The following CSNK2A1 variants were observed in gnomAD, a reference collection of about 807,000 sequenced individuals.
The protein encoded by CSNK2A1 is casein kinase II subunit alpha.
In CSNK2A1, 10 loss-of-function variants were observed where a neutral mutation model predicts 62.9. The observed-to-expected ratio is 0.16, with a 90% CI of 0.10 to 0.27. The LOEUF is 0.27. Ranked by LOEUF, CSNK2A1 falls within the 10% of genes least tolerant of loss-of-function variation. The pLI, the probability that CSNK2A1 is intolerant of heterozygous loss-of-function variation, is 1.00. For missense variants in CSNK2A1, 160 were observed against 492.0 expected, an observed-to-expected ratio of 0.33 and a Z score of 6.38; for synonymous variants, 124 against 167.8, an observed-to-expected ratio of 0.74 and a Z score of 2.02.
Position 479,774 on chromosome 20 carries a change from T to TA in CSNK2A1, c.*4186_*4187insT. ...TTTTACTTGGAGAATAGTCTGAATT[T>TA]CGTATTACACGTTGAGCATTTCTAA... On this transcript the variant is annotated 3_prime_UTR_variant, in exon 14 of 14. Coordinates refer to ENST00000217244, the MANE Select transcript of CSNK2A1 (RefSeq NM_177559.3). 1.3e-5 allele frequency: 2 copies of TA among 152,224 alleles called. No homozygotes were observed. The highest frequency in any genetic ancestry group is 2.9e-5 in the Non-Finnish European group (2 of 68,032). 9.4% of individuals were successfully genotyped at this position (152,224 alleles called of 1,614,324 possible).
chr20:523,959 C>T (rs950296335), intron 2 of CSNK2A1, among the ~76,000 whole-genome samples: 1 of 150,414 alleles, frequency 6.6e-6, no homozygotes, highest in Non-Finnish European at 1.5e-5. Context: ...GGGTAACATG[C>T]AGAAGGTGAT....
At position 476,916 on chromosome 20, in the gene CSNK2A1, G is replaced by T. The variant is rs753628265; in HGVS notation, c.*7045C>A. ...TAATAACAACTTCTTTTACAGACAG[G>T]GTCTCACTCTGTTGCTCAGTCTGGG... On this transcript the variant is annotated 3_prime_UTR_variant, in exon 14 of 14. Coordinates refer to ENST00000217244, the MANE Select transcript of CSNK2A1 (RefSeq NM_177559.3). 2 of 151,964 alleles carry T rather than the reference G, an allele frequency of 1.3e-5. No individual in the cohort carries two copies. Among genetic ancestry groups the T allele is most frequent in the Non-Finnish European group, 2.9e-5 (2 of 68,058 alleles). The allele number at this position is 151,964 out of a possible 1,614,324, so 9.4% of individuals were successfully genotyped here. A position where few individuals can be genotyped will look rare whatever the true frequency, so the allele number is the denominator to read the frequency against.
intron 10 of CSNK2A1, 50 bp from the exon 11 acceptor site, chr20:488,828 C>G: frequency 6.7e-7 from 1 of 1,493,506 alleles, no homozygotes; most frequent in Non-Finnish European, 9.2e-7. Flanking sequence ...ATTATATTAA[C>G]AAATCAACAA....
At chr20:485,901 G>A (rs976252791) in intron 13 of CSNK2A1, among the ~76,000 whole-genome samples, 3 of 152,098 alleles carry the variant, frequency 2.0e-5, no homozygotes, top group Admixed American at 6.5e-5. Context: ...TTCACTGTGC[G>A]TCACAATGAT....
intron 1 of CSNK2A1, among the ~76,000 whole-genome samples, chr20:530,537 T>TA (rs1260446602): frequency 4.0e-5 from 6 of 150,402 alleles, no homozygotes; most frequent in Non-Finnish European, 8.9e-5. Context: ...GGCATGATCA[T>TA]AGTTCACTTC....
At position 477,374 on chromosome 20, in the gene CSNK2A1, T is replaced by C. The variant is rs1181384758; in HGVS notation, c.*6587A>G. The C allele has an allele frequency of 6.6e-6, 1 of 152,048 alleles. No individual in the cohort carries two copies. Among genetic ancestry groups the C allele is most frequent in the Non-Finnish European group, 1.5e-5 (1 of 68,044 alleles). 9.4% of individuals were successfully genotyped at this position (152,048 alleles called of 1,614,324 possible). A position where few individuals can be genotyped will look rare whatever the true frequency, so the allele number is the denominator to read the frequency against. ...CACCACACTCAGCTAATCTATTTTT[T>C]GTAGAGGTGGGTTTTCGCCATGTTG... is the stretch of plus-strand genomic sequence containing the variant. On this transcript the variant is annotated 3_prime_UTR_variant, in exon 14 of 14. Transcript: ENST00000217244.
At chr20:536,137 G>C (rs1340822058) in intron 1 of CSNK2A1, among the ~76,000 whole-genome samples, 5 of 152,050 alleles carry the variant, frequency 3.3e-5, no homozygotes, top group Non-Finnish European at 5.9e-5. Context: ...TACACTGGGC[G>C]TGACTTACAT....
chr20:515,166 G>GC (rs1316264440), intron 2 of CSNK2A1, among the ~76,000 whole-genome samples: 1 of 152,230 alleles, frequency 6.6e-6, no homozygotes, highest in Non-Finnish European at 1.5e-5. Flanking sequence ...TAAGGTGGTG[G>GC]CATGTGGAGA....
At chr20:525,446 A>T (rs2019060602) in intron 2 of CSNK2A1, among the ~76,000 whole-genome samples, 1 of 151,520 alleles carries the variant, frequency 6.6e-6, no homozygotes, top group Admixed American at 6.6e-5. Context: ...AGGTCAGAAG[A>T]TCGAGACCAC....
Position 478,963 on chromosome 20 carries a change from G to A in CSNK2A1, c.*4998C>T, listed in dbSNP as rs981263148. The A allele has an allele frequency of 4.4e-5, 7 of 157,902 alleles. No homozygotes were observed. Among genetic ancestry groups the A allele is most frequent in the Middle Eastern group, 3.0e-3 (1 of 332 alleles). 9.8% of individuals were successfully genotyped at this position (157,902 alleles called of 1,614,324 possible). A position where few individuals can be genotyped will look rare whatever the true frequency, so the allele number is the denominator to read the frequency against. On this transcript the variant is annotated 3_prime_UTR_variant, in exon 14 of 14. Coordinates refer to ENST00000217244, the MANE Select transcript of CSNK2A1 (RefSeq NM_177559.3). Reference sequence around the variant, plus strand: ...AAACAAAAAACTTCTAGTGAGTAGAGCGACAGGGAGACAAATCCAGTTTGT... The same window carrying A: ...AAACAAAAAACTTCTAGTGAGTAGAACGACAGGGAGACAAATCCAGTTTGT...
At chr20:510,466 C>T (rs1238140574) in intron 2 of CSNK2A1, 2 of 152,068 alleles carry the variant, frequency 1.3e-5, no homozygotes, top group African/African-American at 2.4e-5. Context: ...TGAGCCACCT[C>T]GCCCAGCCCA....
rs773299851 is a variant in CSNK2A1, at chr20:482,741, T to G, written c.*1220A>C. On this transcript the variant is annotated 3_prime_UTR_variant, in exon 14 of 14. Coordinates refer to ENST00000217244, the MANE Select transcript of CSNK2A1 (RefSeq NM_177559.3). ...TATTTACACCAAAGAATTCCAACAC[T>G]GGATCTTTCACATATGAAGGACAAA... 2.6e-5 allele frequency: 4 copies of G among 152,644 alleles called. No individual in the cohort carries two copies. The highest frequency in any genetic ancestry group is 6.5e-5 in the Admixed American group (1 of 15,286). 9.5% of individuals were successfully genotyped at this position (152,644 alleles called of 1,614,324 possible). A position where few individuals can be genotyped will look rare whatever the true frequency, so the allele number is the denominator to read the frequency against.
intron 8 of CSNK2A1, 162 bp downstream of exon 8, chr20:495,557 G>T (rs192334107): frequency 1.7e-6 from 1 of 578,658 alleles, no homozygotes; most frequent in Non-Finnish European, 3.1e-6. Flanking sequence ...ATAAATAATG[G>T]TTCAAACATG....
chr20:516,081 G>C (rs764518054), intron 2 of CSNK2A1, among the ~76,000 whole-genome samples: 40 of 152,204 alleles, frequency 2.6e-4, no homozygotes, highest in Non-Finnish European at 5.7e-4. Flanking sequence ...TGGAAAAAGT[G>C]CCTGAGTCCT....
At position 499,466 on chromosome 20, in the gene CSNK2A1, C is replaced by T. The variant is rs958442269; in HGVS notation, c.316-161G>A. ...AAGCCCTCCCCGCTCTGATCATCACCGCACTTAGGTCATTTTTGGGATGGA... is the reference window on the plus strand; with the variant it reads ...AAGCCCTCCCCGCTCTGATCATCACTGCACTTAGGTCATTTTTGGGATGGA... On this transcript the variant is annotated intron_variant, in intron 5 of 13. Transcript: ENST00000217244. The surrounding 1 kb of genome is among the most constrained non-coding windows in gnomAD (Gnocchi z 4.2). The T allele has an allele frequency of 3.9e-5, 23 of 583,886 alleles. No individual in the cohort carries two copies. Among genetic ancestry groups the T allele is most frequent in the Admixed American group, 1.4e-4 (4 of 29,352 alleles). The allele number at this position is 583,886 out of a possible 1,614,324, so 36.2% of individuals were successfully genotyped here. A position where few individuals can be genotyped will look rare whatever the true frequency, so the allele number is the denominator to read the frequency against.
intron 2 of CSNK2A1, among the ~76,000 whole-genome samples, chr20:522,043 G>A (rs931462568): frequency 1.3e-5 from 2 of 152,184 alleles, no homozygotes; most frequent in Non-Finnish European, 2.9e-5. Context: ...GTGAGCAGCG[G>A]GAGTCACTCG....
intron 2 of CSNK2A1, among the ~76,000 whole-genome samples, chr20:518,548 T>A (rs1029417160): frequency 2.0e-5 from 3 of 151,956 alleles, no homozygotes; most frequent in Admixed American, 6.6e-5. Context: ...TTTATTTTTA[T>A]TATTTTTTAT....
intron 1 of CSNK2A1, among the ~76,000 whole-genome samples, chr20:540,437 G>A (rs1354166509): frequency 3.3e-5 from 5 of 152,198 alleles, no homozygotes; most frequent in Non-Finnish European, 4.4e-5. Flanking sequence ...TATGTAACAA[G>A]GATCCCCTTT....
At chr20:498,117 G>T in intron 6 of CSNK2A1, 1 of 214,964 alleles carries the variant, frequency 4.7e-6, no homozygotes, top group Middle Eastern at 1.8e-3. Context: ...AGGCATTTTG[G>T]CAAATATACT....
Sources: gnomAD v4.1 joint callset for allele counts (sites outside exome capture counted in the v4.1 genomes callset) on GRCh38, gnomAD v4.1.1 for gene constraint, Gnocchi (gnomAD v3.1) non-coding constraint, MANE v1.5 for transcripts, NCBI Gene and HGNC (gene_info 2026-07-23, HGNC 2026-07-21) for gene names.